The following SEMA3E variants were observed in gnomAD, a reference collection of about 807,000 sequenced individuals.
SEMA3E encodes the protein semaphorin-3E.
Under a neutral mutation model 93.6 loss-of-function variants are expected in SEMA3E, and 49 were observed. The ratio of observed to expected loss-of-function variants is 0.52; its 90% CI spans 0.42 to 0.66. The LOEUF is 0.66. Among genes scored for constraint, SEMA3E ranks in the 30% least tolerant of loss-of-function variants. The probability of loss-of-function intolerance (pLI) is 0.00; values close to 1 mark genes in which losing one functional copy is unlikely to be tolerated. For synonymous variants in SEMA3E, 363 were observed against 330.7 expected (o/e 1.10, Z -1.06); for missense variants, 906 against 964.8 (o/e 0.94, Z 0.81).
chr7:83,544,864 T>C (rs988486592), intron 1 of SEMA3E, among the ~76,000 whole-genome samples: 1 of 152,026 alleles, frequency 6.6e-6, no homozygotes, highest in Non-Finnish European at 1.5e-5. Context: ...GTCATGTGTA[T>C]TTAAAGCCAT....
At chr7:83,501,443 C>T (rs1437552408) in intron 1 of SEMA3E, among the ~76,000 whole-genome samples, 1 of 152,008 alleles carries the variant, frequency 6.6e-6, no homozygotes, top group Non-Finnish European at 1.5e-5. Flanking sequence ...TTGAATAGGT[C>T]TATCATCTAC....
intron 1 of SEMA3E, among the ~76,000 whole-genome samples, chr7:83,538,270 A>G (rs1324066446): frequency 2.6e-5 from 4 of 152,100 alleles, no homozygotes; most frequent in Non-Finnish European, 4.4e-5. Flanking sequence ...CTGCCAGACT[A>G]TTTTTCAAAA....
At position 83,390,553 on chromosome 7, in the gene SEMA3E, A is replaced by T. The variant is rs1442934123; in HGVS notation, c.1667+2002T>A. ...CTCATTTTCACTCTTTGAGCAGAAA[A>T]GTATTTATTTTAATGACCTGTTTTC... On this transcript the variant is annotated intron_variant, in intron 14 of 16. Transcript: ENST00000643230. Among the ~76,000 whole-genome samples, 3 of 152,152 alleles carry T rather than the reference A, an allele frequency of 2.0e-5. No homozygotes were observed. The East Asian group carries it at 5.8e-4, about 29-fold the overall frequency.
chr7:83,528,868 T>G (rs1392474211), intron 1 of SEMA3E, among the ~76,000 whole-genome samples: 2 of 152,144 alleles, frequency 1.3e-5, no homozygotes, highest in African/African-American at 4.8e-5. Flanking sequence ...TACCTTCAGA[T>G]AGTCTTTTAG....
chr7:83,408,494 G>A lies in SEMA3E; in HGVS notation c.551-7C>T, dbSNP rs747582127. The A allele has an allele frequency of 9.3e-6, 15 of 1,613,160 alleles. No homozygotes were observed. Among genetic ancestry groups the A allele is most frequent in the East Asian group, 8.9e-5 (4 of 44,796 alleles). ...CCAGCAAACAATTCACTACCTACACGGGAGCATCAGTAAAAAAGAAGTCAG... is the reference window on the plus strand; with the variant it reads ...CCAGCAAACAATTCACTACCTACACAGGAGCATCAGTAAAAAAGAAGTCAG... On this transcript the variant is annotated splice_region_variant and splice_polypyrimidine_tract_variant and intron_variant, in intron 5 of 16. Coordinates refer to ENST00000643230, the MANE Select transcript of SEMA3E (RefSeq NM_012431.3).
At chr7:83,538,803 A>T (rs987539451) in intron 1 of SEMA3E, among the ~76,000 whole-genome samples, 1 of 152,180 alleles carries the variant, frequency 6.6e-6, no homozygotes, top group African/African-American at 2.4e-5. Context: ...TATTTTAAAA[A>T]TTTCATCTTC....
intron 5 of SEMA3E, among the ~76,000 whole-genome samples, chr7:83,416,608 T>C (rs1187135360): frequency 3.3e-5 from 5 of 152,110 alleles, no homozygotes; most frequent in Non-Finnish European, 7.4e-5. Flanking sequence ...TTTATGATTC[T>C]TATGAATAAT....
chr7:83,462,189 G>A (rs1257767146), intron 4 of SEMA3E: 2 of 152,160 alleles, frequency 1.3e-5, no homozygotes, highest in Non-Finnish European at 2.9e-5. Flanking sequence ...GCCAAGCTTT[G>A]GGTAACTCTC....
At chr7:83,629,108 C>T (rs1374606794) in intron 1 of SEMA3E, among the ~76,000 whole-genome samples, 1 of 152,110 alleles carries the variant, frequency 6.6e-6, no homozygotes, top group African/African-American at 2.4e-5. Context: ...CCACTCCAGA[C>T]CCTGTTTGCC....
At chr7:83,559,706 A>G (rs1203262027) in intron 1 of SEMA3E, among the ~76,000 whole-genome samples, 2 of 152,056 alleles carry the variant, frequency 1.3e-5, no homozygotes, top group Non-Finnish European at 2.9e-5. Context: ...CAATCCAGCA[A>G]TTGCACTCCT....
chr7:83,547,534 G>A (rs1791677405), intron 1 of SEMA3E, among the ~76,000 whole-genome samples: 1 of 152,112 alleles, frequency 6.6e-6, no homozygotes, highest in Non-Finnish European at 1.5e-5. Context: ...CCTAAATAAG[G>A]AAGGTAACTC....
chr7:83,458,857 A>T (rs1362134136), intron 4 of SEMA3E, among the ~76,000 whole-genome samples: 1 of 147,260 alleles, frequency 6.8e-6, no homozygotes, highest in Non-Finnish European at 1.5e-5. Flanking sequence ...CTTTTTTGTT[A>T]TATATATGAT....
At chr7:83,480,344 A>G (rs529257711) in intron 2 of SEMA3E, among the ~76,000 whole-genome samples, 4 of 152,228 alleles carry the variant, frequency 2.6e-5, no homozygotes, top group Admixed American at 6.5e-5. Context: ...AGGAGAATCA[A>G]TTGAACCCTA....
chr7:83,529,671 A>T (rs1791243710), intron 1 of SEMA3E, among the ~76,000 whole-genome samples: 1 of 152,196 alleles, frequency 6.6e-6, no homozygotes, highest in Non-Finnish European at 1.5e-5. Context: ...AGCTGAGCAG[A>T]GTGATAGAGA....
intron 15 of SEMA3E, among the ~76,000 whole-genome samples, chr7:83,385,837 T>G (rs1787868811): frequency 6.6e-6 from 1 of 152,266 alleles, no homozygotes; most frequent in East Asian, 1.9e-4. Flanking sequence ...TGCCACTACA[T>G]AAACACAAAT....
intron 3 of SEMA3E, 50 bp downstream of exon 3, chr7:83,469,193 A>G (rs946652359): frequency 7.1e-7 from 1 of 1,407,278 alleles, no homozygotes; most frequent in Non-Finnish European, 1.0e-6. Flanking sequence ...TTTGTGGTTA[A>G]CTAGGGATAT....
intron 1 of SEMA3E, among the ~76,000 whole-genome samples, chr7:83,555,820 T>C (rs558583234): frequency 2.6e-4 from 40 of 152,314 alleles, no homozygotes; most frequent in African/African-American, 9.4e-4. Context: ...CTCGGTAGCA[T>C]GGGTCAGCTC....
chr7:83,605,617 T>C (rs1385721376), intron 1 of SEMA3E, among the ~76,000 whole-genome samples: 1 of 151,716 alleles, frequency 6.6e-6, no homozygotes, highest in African/African-American at 2.4e-5. Context: ...TTTAGTAGAG[T>C]TGGGGTTTCA....
chr7:83,532,105 T>C (rs1346228451), intron 1 of SEMA3E, among the ~76,000 whole-genome samples: 1 of 152,186 alleles, frequency 6.6e-6, no homozygotes, highest in Admixed American at 6.5e-5. Context: ...AATGCAAAAA[T>C]TTAAGACAAC....
Sources: gnomAD v4.1 joint callset for allele counts (sites outside exome capture counted in the v4.1 genomes callset) on GRCh38, gnomAD v4.1.1 for gene constraint, MANE v1.5 for transcripts, NCBI Gene and HGNC (gene_info 2026-07-23, HGNC 2026-07-21) for gene names.